The following MMP20 variants were observed in gnomAD, a reference collection of about 807,000 sequenced individuals.
MMP20 encodes matrix metallopeptidase 20.
Under a neutral mutation model 51.8 loss-of-function variants are expected in MMP20, and 50 were observed. The observed-to-expected ratio is 0.97, with a 90% CI of 0.77 to 1.22. MMP20 has a LOEUF of 1.22. Ranked by LOEUF, MMP20 falls within the 50% of genes most tolerant of loss-of-function variation. The pLI is 0.00. For synonymous variants in MMP20, 244 were observed against 216.2 expected, an observed-to-expected ratio of 1.13 and a Z score of -1.13; for missense variants, 663 against 601.4, an observed-to-expected ratio of 1.10 and a Z score of -1.07.
At chr11:102,615,375 AACCAGC>A in intron 2 of MMP20, among the ~76,000 whole-genome samples, 1 of 151,944 alleles carries the variant, frequency 6.6e-6, no homozygotes, top group African/African-American at 2.4e-5. Flanking sequence ...CTGTCTTAGC[AACCAGC>A]TCACAAAATT....
At chr11:102,593,365 G>GTGGAAGGGTT in intron 8 of MMP20, 74 bp downstream of exon 8, 1 of 1,525,696 alleles carries the variant, frequency 6.6e-7, no homozygotes, top group Non-Finnish European at 9.0e-7. Flanking sequence ...GCATTCTTTC[G>GTGGAAGGGTT]TGGAAGGGTT....
intron 1 of MMP20, among the ~76,000 whole-genome samples, chr11:102,623,651 C>A (rs1565402387): frequency 1.3e-5 from 2 of 152,200 alleles, no homozygotes; most frequent in Non-Finnish European, 2.9e-5. Flanking sequence ...AATTAATATT[C>A]TTTGCTTCTA....
intron 3 of MMP20, 33 bp downstream of exon 3, chr11:102,611,722 G>A: frequency 6.2e-7 from 1 of 1,609,680 alleles, no homozygotes; most frequent in Non-Finnish European, 8.5e-7. Context: ...ACTCTCCTTT[G>A]AATTAGTAGA....
intron 1 of MMP20, among the ~76,000 whole-genome samples, chr11:102,621,687 T>G (rs1444092388): frequency 6.6e-6 from 1 of 152,238 alleles, no homozygotes; most frequent in Non-Finnish European, 1.5e-5. Flanking sequence ...GTAATCTATT[T>G]GTTAAAGGAA....
intron 1 of MMP20, among the ~76,000 whole-genome samples, chr11:102,619,136 T>G (rs183041445): frequency 2.6e-5 from 4 of 152,314 alleles, no homozygotes; most frequent in Admixed American, 2.6e-4. Context: ...TCTCATCTTT[T>G]TTTTTTTGCA....
chr11:102,606,782 G>T (rs2135940348), intron 5 of MMP20, 106 bp from the exon 6 acceptor site: 1 of 1,328,784 alleles, frequency 7.5e-7, no homozygotes, highest in South Asian at 1.2e-5. Context: ...CTGGACATGT[G>T]ATCATGATCA....
chr11:102,604,735 AATGAT>A (rs1859492345), intron 6 of MMP20, among the ~76,000 whole-genome samples: 1 of 152,260 alleles, frequency 6.6e-6, no homozygotes, highest in Admixed American at 6.5e-5. Flanking sequence ...TTGATTAAGT[AATGAT>A]ATATCTATTC....
At chr11:102,581,177 C>CCA (rs36075826) in intron 8 of MMP20, among the ~76,000 whole-genome samples, 2,804 of 149,230 alleles carry the variant, frequency 0.019, 70 homozygotes, top group African/African-American at 0.059. Flanking sequence ...CACGCACACA[C>CCA]CACACACACA....
chr11:102,584,376 C>T (rs1470130729), intron 8 of MMP20, among the ~76,000 whole-genome samples: 2 of 152,140 alleles, frequency 1.3e-5, no homozygotes, highest in African/African-American at 4.8e-5. Flanking sequence ...TTCCTCATGA[C>T]TATTGATGTT....
At chr11:102,589,551 A>G (rs529298011) in intron 8 of MMP20, among the ~76,000 whole-genome samples, 3 of 152,200 alleles carry the variant, frequency 2.0e-5, no homozygotes, top group Non-Finnish European at 4.4e-5. Context: ...TTTCAATGCC[A>G]TAATTCTAGG....
At chr11:102,600,515 G>A (rs1016990892) in intron 6 of MMP20, among the ~76,000 whole-genome samples, 1 of 151,754 alleles carries the variant, frequency 6.6e-6, no homozygotes, top group Admixed American at 6.6e-5. Flanking sequence ...ATAGGGTCTC[G>A]CTCTGTCACC....
At chr11:102,611,609 C>G (rs1859600516) in intron 3 of MMP20, 146 bp downstream of exon 3, 1 of 937,148 alleles carries the variant, frequency 1.1e-6, no homozygotes, top group South Asian at 1.5e-5. Context: ...AGATGAAGAT[C>G]ATGGCTTTGC....
At chr11:102,600,635 C>T (rs936970561) in intron 6 of MMP20, among the ~76,000 whole-genome samples, 1 of 152,164 alleles carries the variant, frequency 6.6e-6, no homozygotes, top group Non-Finnish European at 1.5e-5. Flanking sequence ...AAGGCACTGC[C>T]ACCACATCTG....
intron 6 of MMP20, among the ~76,000 whole-genome samples, chr11:102,602,417 T>A (rs1365144456): frequency 3.3e-5 from 5 of 152,122 alleles, no homozygotes; most frequent in African/African-American, 1.2e-4. Flanking sequence ...ACCTAGATAG[T>A]CTATGAACAT....
Position 102,616,879 on chromosome 11 carries a change from G to T in MMP20, c.307C>A (p.Pro103Thr). 1 of 1,614,138 alleles carries T rather than the reference G, an allele frequency of 6.2e-7. No individual in the cohort carries two copies. The highest frequency in any genetic ancestry group is 8.5e-7 in the Non-Finnish European group (1 of 1,180,026). The change falls in exon 2 of 10, where the codon CCT (proline) becomes ACT (threonine). Residue 103 changes from proline to threonine, a missense_variant. Coordinates refer to ENST00000260228, the MANE Select transcript of MMP20 (RefSeq NM_004771.4). ...NVIKKPRCGV[P>T]DVANYRLFPG... ...AAGAGGCGATAATTGGCCACATCAG[G>T]AACTCCACAGCGAGGCTTCTTGATC...
intron 5 of MMP20, among the ~76,000 whole-genome samples, chr11:102,608,284 G>T (rs1271931104): frequency 6.6e-6 from 1 of 152,162 alleles, no homozygotes; most frequent in African/African-American, 2.4e-5. Context: ...TCCTTCTGAT[G>T]GATTAATTGG....
chr11:102,605,162 C>CT (rs1413704067), intron 6 of MMP20: 1 of 152,210 alleles, frequency 6.6e-6, no homozygotes, highest in African/African-American at 2.4e-5. Context: ...TCCTCTCTCT[C>CT]TGTACATGAA....
intron 8 of MMP20, among the ~76,000 whole-genome samples, chr11:102,579,757 GT>G (rs1481346393): frequency 6.6e-6 from 1 of 152,056 alleles, no homozygotes; most frequent in African/African-American, 2.4e-5. Flanking sequence ...CACATACATT[GT>G]TTAGAAATAT....
At chr11:102,596,932 C>CT (rs757896271) in intron 6 of MMP20, among the ~76,000 whole-genome samples, 9 of 152,216 alleles carry the variant, frequency 5.9e-5, no homozygotes, top group Non-Finnish European at 8.8e-5. Flanking sequence ...GCAACTACTT[C>CT]TTGGATTAAT....
Sources: gnomAD v4.1 joint callset for allele counts (sites outside exome capture counted in the v4.1 genomes callset) on GRCh38, gnomAD v4.1.1 for gene constraint, MANE v1.5 for transcripts, NCBI Gene and HGNC (gene_info 2026-07-23, HGNC 2026-07-21) for gene names.